BCKDHB: variants seen among roughly 807,000 people sequenced by gnomAD.
The protein encoded by BCKDHB is 2-oxoisovalerate dehydrogenase subunit beta, mitochondrial.
Under a neutral mutation model 48.5 loss-of-function variants are expected in BCKDHB, and 41 were observed. The observed-to-expected ratio is 0.85, with a 90% CI of 0.66 to 1.10. BCKDHB has a LOEUF of 1.10. Among genes scored for constraint, BCKDHB ranks in the 50% least tolerant of loss-of-function variants. BCKDHB has a pLI of 0.00. For synonymous variants in BCKDHB, 201 were observed against 174.8 expected (o/e 1.15, Z -1.18); for missense variants, 496 against 494.2 (o/e 1.00, Z -0.03).
chr6:80,377,890 AG>A, the BCKDHB span, among the ~76,000 whole-genome samples: 1 of 152,186 alleles, frequency 6.6e-6, no homozygotes, highest in African/African-American at 2.4e-5. Flanking sequence ...CAATTCTGAG[AG>A]GGATTATAGA....
chr6:80,217,304 A>G (rs147144539), intron 8 of BCKDHB, among the ~76,000 whole-genome samples: 11 of 152,266 alleles, frequency 7.2e-5, no homozygotes, highest in African/African-American at 2.4e-4. Context: ...TGAATAGTCA[A>G]TCTTTCCAAA....
chr6:80,230,026 GTTTTTTTTT>G (rs551632775), intron 8 of BCKDHB, among the ~76,000 whole-genome samples: 7 of 60,642 alleles, frequency 1.2e-4, no homozygotes, highest in African/African-American at 4.8e-4. Context: ...TTTTTAGGTT[GTTTTTTTTT>G]TTTTTTTTTT....
chr6:80,287,717 T>C (rs1325954761), intron 9 of BCKDHB, among the ~76,000 whole-genome samples: 2 of 152,084 alleles, frequency 1.3e-5, no homozygotes, highest in Non-Finnish European at 2.9e-5. Flanking sequence ...GGATTCCCTG[T>C]TTGTATAAGG....
At chr6:80,179,026 ATTTT>A in intron 6 of BCKDHB, among the ~76,000 whole-genome samples, 1 of 151,916 alleles carries the variant, frequency 6.6e-6, no homozygotes, top group African/African-American at 2.4e-5. Flanking sequence ...AAATGATCTT[ATTTT>A]TTATTTTTTC....
At chr6:80,146,208 G>C (rs56184211) in intron 3 of BCKDHB, among the ~76,000 whole-genome samples, 1,848 of 152,160 alleles carry the variant, frequency 0.012, 18 homozygotes, top group Non-Finnish European at 0.02. Context: ...GCTCTGGAAG[G>C]TACTAAAATT....
chr6:80,332,360 G>A (rs1769356444), intron 9 of BCKDHB, among the ~76,000 whole-genome samples: 1 of 151,864 alleles, frequency 6.6e-6, no homozygotes, highest in Non-Finnish European at 1.5e-5. Flanking sequence ...TGCTTTAATT[G>A]CAAAGAAAAA....
At chr6:80,191,699 C>T (rs1327571400) in intron 6 of BCKDHB, among the ~76,000 whole-genome samples, 2 of 152,052 alleles carry the variant, frequency 1.3e-5, no homozygotes, top group Admixed American at 1.3e-4. Context: ...GAATAAAATT[C>T]CAGAGACACC....
the BCKDHB span, among the ~76,000 whole-genome samples, chr6:80,362,934 C>T: frequency 6.6e-6 from 1 of 152,056 alleles, no homozygotes; most frequent in Non-Finnish European, 1.5e-5. Flanking sequence ...AAATAAAGCA[C>T]CTCTAAAGAA....
chr6:80,305,816 C>T (rs983778155), intron 9 of BCKDHB, among the ~76,000 whole-genome samples: 2 of 152,064 alleles, frequency 1.3e-5, no homozygotes, highest in Non-Finnish European at 2.9e-5. Flanking sequence ...TTGACTTGTC[C>T]TCCTAGGATG....
the BCKDHB span, among the ~76,000 whole-genome samples, chr6:80,404,517 G>T: frequency 6.6e-6 from 1 of 151,714 alleles, no homozygotes; most frequent in Non-Finnish European, 1.5e-5. Context: ...AAAAAACAAA[G>T]TATTAGTTTC....
chr6:80,402,448 A>G, the BCKDHB span, among the ~76,000 whole-genome samples: 1 of 151,738 alleles, frequency 6.6e-6, no homozygotes, highest in Non-Finnish European at 1.5e-5. Context: ...TCATTTTAAA[A>G]TCAGGTTATT....
rs187453563 is a variant in BCKDHB, at chr6:80,159,741, C to T, written c.344-7937C>T. On this transcript the variant is annotated intron_variant, in intron 3 of 9. Transcript: ENST00000320393. ...TATTTATTTCTGTCTCCCACTGTTA[C>T]AATTGTGTCTATAATGACTTTTATT... 2.7e-3 allele frequency among the ~76,000 whole-genome samples: 412 copies of T among 152,288 alleles called. 5 individuals carry two copies. The highest frequency in any genetic ancestry group is 0.026 in the Admixed American group (391 of 15,300).
chr6:80,380,838 G>T, the BCKDHB span, among the ~76,000 whole-genome samples: 8 of 151,822 alleles, frequency 5.3e-5, no homozygotes, highest in Non-Finnish European at 1.0e-4. Flanking sequence ...TTAATTTCGT[G>T]TTCAGATTTT....
At chr6:80,292,277 A>C (rs1489546913) in intron 9 of BCKDHB, among the ~76,000 whole-genome samples, 2 of 152,244 alleles carry the variant, frequency 1.3e-5, no homozygotes, top group Non-Finnish European at 2.9e-5. Context: ...TGATAAAGAC[A>C]TACCTGATAT....
At chr6:80,335,965 A>G (rs1769572500) in intron 9 of BCKDHB, among the ~76,000 whole-genome samples, 1 of 152,098 alleles carries the variant, frequency 6.6e-6, no homozygotes, top group South Asian at 2.1e-4. Flanking sequence ...TCTGGACAAC[A>G]ATAAGCACAG....
chr6:80,249,788 G>T (rs578000222), intron 8 of BCKDHB, among the ~76,000 whole-genome samples: 17 of 152,204 alleles, frequency 1.1e-4, no homozygotes, highest in African/African-American at 4.1e-4. Flanking sequence ...TAAAGCAAAA[G>T]AATATAAAAG....
intron 6 of BCKDHB, among the ~76,000 whole-genome samples, chr6:80,184,419 G>A (rs1192562104): frequency 1.3e-5 from 2 of 152,002 alleles, no homozygotes; most frequent in African/African-American, 4.8e-5. Flanking sequence ...TAAGTGGAGC[G>A]TTTAAGCCAT....
chr6:80,251,461 G>C (rs991545150), intron 8 of BCKDHB, among the ~76,000 whole-genome samples: 1 of 152,182 alleles, frequency 6.6e-6, no homozygotes, highest in South Asian at 2.1e-4. Flanking sequence ...AGGCAAAATT[G>C]TATTAAGATA....
chr6:80,457,859 C>T, the BCKDHB span, among the ~76,000 whole-genome samples: 1 of 152,160 alleles, frequency 6.6e-6, no homozygotes, highest in African/African-American at 2.4e-5. Context: ...CCCCTTTCGT[C>T]TGCGTCTTAA....
Sources: allele counts gnomAD v4.1 joint callset (sites outside exome capture counted in the v4.1 genomes callset), GRCh38; gene constraint gnomAD v4.1.1; transcripts MANE v1.5; gene names NCBI Gene and HGNC (gene_info 2026-07-23, HGNC 2026-07-21).